LAMB1: variants seen among roughly 807,000 people sequenced by gnomAD.
LAMB1 encodes the protein laminin subunit beta-1.
A neutral mutation model predicts 222.3 loss-of-function variants in LAMB1; 121 were observed. The observed-to-expected ratio is 0.54, with a 90% CI of 0.47 to 0.63. LAMB1 has a LOEUF of 0.63. Among genes scored for constraint, LAMB1 ranks in the 30% least tolerant of loss-of-function variants. The pLI, the probability that LAMB1 is intolerant of heterozygous loss-of-function variation, is 0.00. For synonymous variants in LAMB1, 794 were observed against 807.2 expected (o/e 0.98, Z 0.28); for missense variants, 2,172 against 2,240.8 (o/e 0.97, Z 0.62).
intron 27 of LAMB1, among the ~76,000 whole-genome samples, chr7:107,933,168 T>C (rs1243490462): frequency 3.9e-5 from 6 of 152,156 alleles, no homozygotes; most frequent in Non-Finnish European, 5.9e-5. Flanking sequence ...CAAATGCAAA[T>C]TGATAAATTA....
intron 5 of LAMB1, among the ~76,000 whole-genome samples, chr7:107,990,545 T>C (rs2034163196): frequency 6.7e-6 from 1 of 150,330 alleles, no homozygotes; most frequent in South Asian, 2.1e-4. Context: ...CTTGACTAAC[T>C]AATTTTTTTT....
At chr7:107,937,736 G>A (rs1393994049) in intron 25 of LAMB1, among the ~76,000 whole-genome samples, 1 of 152,142 alleles carries the variant, frequency 6.6e-6, no homozygotes, top group African/African-American at 2.4e-5. Context: ...CATGCAGAGG[G>A]GAAGCCCTAT....
chr7:107,963,170 C>T lies in LAMB1; in HGVS notation c.1699-107G>A, dbSNP rs1483785024. ...CCCAAAGATTCAAAAAGGGTGGCTA[C>T]CTTATGTCTATTTTTTATAGTCAAA... On this transcript the variant is annotated intron_variant, in intron 14 of 33. Coordinates refer to ENST00000222399, the MANE Select transcript of LAMB1 (RefSeq NM_002291.3). 16 of 1,030,546 alleles carry T rather than the reference C, an allele frequency of 1.6e-5. 1 individual carries two copies. The highest frequency in any genetic ancestry group is 2.8e-4 in the Middle Eastern group (1 of 3,562). 63.8% of individuals were successfully genotyped at this position (1,030,546 alleles called of 1,614,324 possible). A position where few individuals can be genotyped will look rare whatever the true frequency, so the allele number is the denominator to read the frequency against.
chr7:107,950,178 C>A (rs1336559078), intron 24 of LAMB1, among the ~76,000 whole-genome samples: 1 of 151,288 alleles, frequency 6.6e-6, no homozygotes, highest in Non-Finnish European at 1.5e-5. Flanking sequence ...TGCAGTAAGC[C>A]GAGATTATGC....
chr7:107,960,362 G>T, intron 18 of LAMB1, 83 bp downstream of exon 18: 2 of 955,198 alleles, frequency 2.1e-6, no homozygotes, highest in South Asian at 1.4e-5. Context: ...AGGGCTAGGG[G>T]GTGGGCACTC....
chr7:107,997,415 T>G (rs2034300534), intron 4 of LAMB1, among the ~76,000 whole-genome samples: 1 of 152,058 alleles, frequency 6.6e-6, no homozygotes, highest in Admixed American at 6.6e-5. Context: ...AGAGGGAGAC[T>G]CTGCCTCAAA....
intron 14 of LAMB1, among the ~76,000 whole-genome samples, chr7:107,964,338 C>G (rs2033580015): frequency 2.6e-5 from 4 of 152,182 alleles, no homozygotes; most frequent in Admixed American, 2.6e-4. Context: ...AACCAAAAGC[C>G]TTATCAGTGA....
intron 9 of LAMB1, among the ~76,000 whole-genome samples, chr7:107,977,506 C>T (rs567999693): frequency 6.6e-6 from 1 of 152,242 alleles, no homozygotes; most frequent in East Asian, 1.9e-4. Flanking sequence ...TAAAAACAGC[C>T]CTGGCGCGGT....
chr7:107,982,523 A>G (rs930080594), intron 7 of LAMB1, among the ~76,000 whole-genome samples: 2 of 152,222 alleles, frequency 1.3e-5, no homozygotes, highest in Non-Finnish European at 2.9e-5. Context: ...GTACTCCCCA[A>G]CTGAATGGCA....
chr7:107,986,447 A>G, intron 5 of LAMB1, 84 bp from the exon 6 acceptor site: 2 of 1,107,850 alleles, frequency 1.8e-6, no homozygotes, highest in South Asian at 3.2e-5. Context: ...ATGTCACTCA[A>G]CTGCATGCCA....
chr7:107,948,474 G>A (rs2033175943), intron 24 of LAMB1, among the ~76,000 whole-genome samples: 1 of 152,182 alleles, frequency 6.6e-6, no homozygotes, highest in Admixed American at 6.5e-5. Context: ...CTAGAACCTG[G>A]AAGTATCTCT....
Position 107,935,481 on chromosome 7 carries a change from C to G in LAMB1, c.4122G>C (p.Gln1374His). 2 of 1,613,484 alleles carry G rather than the reference C, an allele frequency of 1.2e-6. No homozygotes were observed. The highest frequency in any genetic ancestry group is 1.7e-6 in the Non-Finnish European group (2 of 1,179,928). The change falls in exon 27 of 34, where the codon CAG becomes CAC. Residue 1374 changes from glutamine to histidine, a missense_variant. Transcript: ENST00000222399. ...CTGCCAGTTCATCAAGGAGGCGAGC[C>G]TGCTCCTCTTGTTTTTCCTTGAACT... ...ESQFKEKQEE[Q>H]ARLLDELAGK...
intron 5 of LAMB1, among the ~76,000 whole-genome samples, chr7:107,992,548 G>A (rs1406241188): frequency 6.6e-6 from 1 of 152,168 alleles, no homozygotes; most frequent in Non-Finnish European, 1.5e-5. Context: ...CATTTATAAA[G>A]ACTTTCAGGT....
In LAMB1 at chr7:107,927,649, T is replaced by TA. The variant is rs137988346; in HGVS notation, c.4888-1291dup. Among the ~76,000 whole-genome samples the TA allele has an allele frequency of 3.8e-3, 583 of 152,326 alleles. 3 individuals are homozygous for TA. The highest frequency in any genetic ancestry group is 0.013 in the African/African-American group (551 of 41,568). On this transcript the variant is annotated intron_variant, in intron 31 of 33. Transcript: ENST00000222399. Reference sequence around the variant, plus strand: ...ACAATAATTTCTACAGTCACTGACATAATATTCACTAAAATATTAACAGCA... The same window carrying TA: ...ACAATAATTTCTACAGTCACTGACATAAATATTCACTAAAATATTAACAGCA...
At chr7:107,989,688 T>C (rs893676585) in intron 5 of LAMB1, among the ~76,000 whole-genome samples, 12 of 152,162 alleles carry the variant, frequency 7.9e-5, no homozygotes, top group African/African-American at 1.2e-4. Flanking sequence ...CCACGTACCA[T>C]GGCAAACTCC....
At chr7:107,991,642 A>G (rs931259634) in intron 5 of LAMB1, among the ~76,000 whole-genome samples, 1 of 151,634 alleles carries the variant, frequency 6.6e-6, no homozygotes, top group Non-Finnish European at 1.5e-5. Context: ...TGGGCGCGGT[A>G]GCTCACGTCT....
At chr7:107,980,139 C>T (rs968603516) in intron 8 of LAMB1, among the ~76,000 whole-genome samples, 13 of 151,226 alleles carry the variant, frequency 8.6e-5, no homozygotes, top group East Asian at 1.9e-4. Flanking sequence ...ACCCAGGATG[C>T]GGATGGTGCA....
intron 27 of LAMB1, 29 bp from the exon 28 acceptor site, chr7:107,932,406 A>AC (rs1473277012): frequency 4.4e-6 from 7 of 1,608,354 alleles, no homozygotes; most frequent in Non-Finnish European, 6.0e-6. Flanking sequence ...CAGGCACAAT[A>AC]CTTCGGATAG....
At chr7:107,928,125 T>TTA (rs2032610792) in intron 31 of LAMB1, among the ~76,000 whole-genome samples, 1 of 152,242 alleles carries the variant, frequency 6.6e-6, no homozygotes, top group African/African-American at 2.4e-5. Flanking sequence ...ATTACTTCTT[T>TTA]TAAGAGATAA....
Sources: gnomAD v4.1 joint callset for allele counts (sites outside exome capture counted in the v4.1 genomes callset) on GRCh38, gnomAD v4.1.1 for gene constraint, MANE v1.5 for transcripts, NCBI Gene and HGNC (gene_info 2026-07-23, HGNC 2026-07-21) for gene names.